The following RCOR3 variants were observed in gnomAD, a reference collection of about 807,000 sequenced individuals.
The protein encoded by RCOR3 is REST corepressor 3.
In RCOR3, 13 loss-of-function variants were observed where a neutral mutation model predicts 64.1. The ratio of observed to expected loss-of-function variants is 0.20; its 90% CI spans 0.13 to 0.32. The LOEUF is 0.32. RCOR3 is among the 10% of genes least tolerant of loss of function. The pLI, the probability that RCOR3 is intolerant of heterozygous loss-of-function variation, is 1.00. For missense variants in RCOR3, 489 were observed against 701.2 expected, an observed-to-expected ratio of 0.70 and a Z score of 3.42; for synonymous variants, 215 against 239.0, an observed-to-expected ratio of 0.90 and a Z score of 0.93.
chr1:211,313,396 AC>A lies in RCOR3; in HGVS notation c.1318-27del. ...AAGTTCATTAGGACTTACATCTCAT[AC>A]GTGTATTTTTGTTTCCTCACCTCTA... On this transcript the variant is annotated intron_variant, in intron 11 of 11. Transcript: ENST00000419091. This position sits in a 1 kb window ranked among gnomAD's most constrained non-coding sequence, Gnocchi z 4.7. 6.3e-7 allele frequency: 1 copy of A among 1,594,970 alleles called. No homozygotes were observed. The highest frequency in any genetic ancestry group is 1.1e-5 in the South Asian group (1 of 88,528).
intron 3 of RCOR3, 152 bp from the exon 4 acceptor site, chr1:211,274,058 C>G (rs77586797): frequency 0.034 from 17,927 of 526,716 alleles, 409 homozygotes; most frequent in South Asian, 0.061. Flanking sequence ...TATGATAAGT[C>G]TCTTTTTGTA....
Position 211,313,671 on chromosome 1 carries a change from C to T in RCOR3, c.1565C>T (p.Pro522Leu). The T allele has an allele frequency of 6.2e-7, 1 of 1,614,198 alleles. No individual in the cohort carries two copies. The highest frequency in any genetic ancestry group is 1.1e-5 in the South Asian group (1 of 91,082). ...ATTCGCCCTGCTAATTCCATGCCAC[C>T]CCGTCTAAACCCAAGACCGGTGTTG... Reference protein sequence around the residue: ...PLIRPANSMPPRLNPRPVLST... With the variant: ...PLIRPANSMPLRLNPRPVLST... Residue 522 changes from proline to leucine, a missense_variant, in exon 12 of 12, where the codon CCC becomes CTC. Transcript: ENST00000419091. This position sits in a 1 kb window ranked among gnomAD's most constrained non-coding sequence, Gnocchi z 4.7.
chr1:211,271,396 A>G, intron 3 of RCOR3, 87 bp downstream of exon 3: 1 of 983,404 alleles, frequency 1.0e-6, no homozygotes, highest in Non-Finnish European at 1.6e-6. Context: ...TGGGTCTTAT[A>G]GATTCTCATA....
At chr1:211,291,972 A>G (rs1353074087) in intron 8 of RCOR3, among the ~76,000 whole-genome samples, 3 of 152,194 alleles carry the variant, frequency 2.0e-5, no homozygotes, top group African/African-American at 7.2e-5. Flanking sequence ...AATTTTAAAA[A>G]TAGCCAAACG....
At chr1:211,302,481 CAA>C in intron 9 of RCOR3, 1 of 152,102 alleles carries the variant, frequency 6.6e-6, no homozygotes, top group East Asian at 1.9e-4. Flanking sequence ...GCCTTTAAAA[CAA>C]AAAATGACCC....
intron 2 of RCOR3, among the ~76,000 whole-genome samples, chr1:211,267,386 G>A (rs1695386443): frequency 6.6e-6 from 1 of 152,068 alleles, no homozygotes; most frequent in Non-Finnish European, 1.5e-5. Context: ...ATATATAATT[G>A]AAAATAGTAG....
intron 3 of RCOR3, among the ~76,000 whole-genome samples, chr1:211,272,639 T>TTTTTG: frequency 2.2e-5 from 3 of 134,626 alleles, no homozygotes; most frequent in African/African-American, 5.7e-5. Flanking sequence ...TTTTTTTTTT[T>TTTTTG]GAGACGGAGT....
intron 7 of RCOR3, among the ~76,000 whole-genome samples, chr1:211,282,033 G>T (rs1697880843): frequency 6.6e-6 from 1 of 152,038 alleles, no homozygotes; most frequent in Non-Finnish European, 1.5e-5. Context: ...TTAAGAATTT[G>T]CTACCTAGAA....
chr1:211,267,955 C>A, intron 2 of RCOR3: 1 of 294,016 alleles, frequency 3.4e-6, no homozygotes, highest in Non-Finnish European at 6.6e-6. Flanking sequence ...TGAGAAGGGA[C>A]ATTTAATGAA....
rs565494523 is a variant in RCOR3 at position 211,266,503 on chromosome 1, A to G, written c.224-4729A>G. On this transcript the variant is annotated intron_variant, in intron 2 of 11. Coordinates refer to ENST00000419091, the MANE Select transcript of RCOR3 (RefSeq NM_001136223.3). ...AAAACTGAAGACAACTGATTGTTCA[A>G]CAATTTCATTTTCAGAACTGATAAC... Among the ~76,000 whole-genome samples, 250 of 152,354 alleles carry G rather than the reference A, an allele frequency of 1.6e-3. 1 individual carries two copies. The highest frequency in any genetic ancestry group is 5.8e-3 in the African/African-American group (243 of 41,590).
rs1698940399 is a variant in RCOR3, at chr1:211,289,189, A to G, written c.732A>G (p.Glu244=). The part of the protein sequence containing the change: ...KKEAKKEGNT[E]QPVQTSKIGL... ...TTTTATTCTCTTAGGGTAATACTGA[A>G]CAACCTGTCCAAACTAGCAAGATTG... The change falls in exon 8 of 12, where the codon GAA becomes GAG. Residue 244 remains glutamate (E), a synonymous_variant. Transcript: ENST00000419091. The G allele has an allele frequency of 6.2e-7, 1 of 1,613,820 alleles. No homozygotes were observed. The highest frequency in any genetic ancestry group is 1.7e-5 in the Admixed American group (1 of 59,996).
rs1331105391 is a variant in RCOR3, at chr1:211,274,281, C to CAAT, written c.354+20_354+21insATA. On this transcript the variant is annotated intron_variant, in intron 4 of 11. Transcript: ENST00000419091. ...GGAACAGGTATGTAGAGAAACACTT[C>CAAT]AGTAGTAAGGCTTGTCCCAATATTT... 1.3e-6 allele frequency: 2 copies of CAAT among 1,548,554 alleles called. No individual in the cohort carries two copies. The highest frequency in any genetic ancestry group is 1.7e-5 in the Admixed American group (1 of 59,122).
intron 10 of RCOR3, among the ~76,000 whole-genome samples, chr1:211,309,471 G>A (rs1473495977): frequency 6.6e-6 from 1 of 151,860 alleles, no homozygotes; most frequent in Non-Finnish European, 1.5e-5. Context: ...GATATCATCT[G>A]CCAGCATAGA....
At chr1:211,265,769 A>C (rs1045987221) in intron 2 of RCOR3, among the ~76,000 whole-genome samples, 1 of 152,108 alleles carries the variant, frequency 6.6e-6, no homozygotes, top group African/African-American at 2.4e-5. Flanking sequence ...CCTGTGAGTA[A>C]GGTTCTGAGT....
intron 8 of RCOR3, among the ~76,000 whole-genome samples, chr1:211,295,339 CTTA>C (rs1699757263): frequency 1.3e-5 from 2 of 152,022 alleles, no homozygotes; most frequent in African/African-American, 4.8e-5. Flanking sequence ...TGGAAAAATT[CTTA>C]TTTAGTCAAA....
At chr1:211,297,888 G>A (rs959617790) in intron 9 of RCOR3, among the ~76,000 whole-genome samples, 1 of 152,190 alleles carries the variant, frequency 6.6e-6, no homozygotes, top group Non-Finnish European at 1.5e-5. Flanking sequence ...TCTAATCAAA[G>A]AATGTTAATA....
chr1:211,259,739 AAC>A lies in RCOR3; in HGVS notation c.166+14_166+15del. On this transcript the variant is annotated intron_variant, in intron 1 of 11. Coordinates refer to ENST00000419091, the MANE Select transcript of RCOR3 (RefSeq NM_001136223.3). ...GACGACGAGCACGGTGGTAGCCTCG[AAC>A]TCCTCCCCGCCAGCCCGCCTGCCCC... 6.8e-7 allele frequency: 1 copy of A among 1,466,268 alleles called. No individual in the cohort carries two copies. Among genetic ancestry groups the A allele is most frequent in the Non-Finnish European group, 9.0e-7 (1 of 1,109,650 alleles). 90.8% of individuals were successfully genotyped at this position (1,466,268 alleles called of 1,614,324 possible).
intron 2 of RCOR3, among the ~76,000 whole-genome samples, chr1:211,260,743 G>T (rs1278748586): frequency 6.6e-6 from 1 of 152,184 alleles, no homozygotes; most frequent in African/African-American, 2.4e-5. Context: ...GGAGAGAAAG[G>T]GGTGGGGGAA....
intron 8 of RCOR3, among the ~76,000 whole-genome samples, chr1:211,293,858 A>G (rs924864141): frequency 2.0e-5 from 3 of 152,220 alleles, no homozygotes; most frequent in Admixed American, 6.5e-5. Flanking sequence ...CTAGGGGGGA[A>G]AAACAGAGGA....
Sources: gnomAD v4.1 joint callset for allele counts (sites outside exome capture counted in the v4.1 genomes callset) on GRCh38, gnomAD v4.1.1 for gene constraint, Gnocchi (gnomAD v3.1) non-coding constraint, MANE v1.5 for transcripts, NCBI Gene and HGNC (gene_info 2026-07-23, HGNC 2026-07-21) for gene names.